The following NCEH1 variants were observed in gnomAD, a reference collection of about 807,000 sequenced individuals.
NCEH1 encodes the protein 2-acetyl MAGE hydrolase.
NCEH1 carries 9 observed loss-of-function variants against 25.4 expected under a neutral mutation model. The ratio of observed to expected loss-of-function variants is 0.35; its 90% CI spans 0.21 to 0.62. The LOEUF (loss-of-function observed/expected upper bound fraction) is 0.62. NCEH1 is among the 20% of genes least tolerant of loss of function. The pLI is 0.72. For missense variants in NCEH1, 412 were observed against 501.1 expected (o/e 0.82, Z 1.70); for synonymous variants, 200 against 199.8 (o/e 1.00, Z -0.01).
At chr3:172,709,824 T>G (rs1307794704) in intron 1 of NCEH1, among the ~76,000 whole-genome samples, 1 of 152,016 alleles carries the variant, frequency 6.6e-6, no homozygotes, top group East Asian at 1.9e-4. Flanking sequence ...AAAGAAAGAG[T>G]TTATAAAAAT....
chr3:172,649,851 C>T (rs950001512), intron 1 of NCEH1, among the ~76,000 whole-genome samples: 3 of 152,212 alleles, frequency 2.0e-5, no homozygotes, highest in Non-Finnish European at 4.4e-5. Flanking sequence ...AAATGGCAGA[C>T]CTGGCTCTGT....
Position 172,630,282 on chromosome 3 carries a change from A to C in NCEH1, c.*3193T>G, listed in dbSNP as rs1716291555. On this transcript the variant is annotated 3_prime_UTR_variant, in exon 5 of 5. Coordinates refer to ENST00000475381, the MANE Select transcript of NCEH1 (RefSeq NM_020792.6). Reference sequence around the variant, plus strand: ...GAAATTAGATTTATTTGTAATGACAAGGTCAGTTTGAGAACCTGCCTTCAG... The same window carrying C: ...GAAATTAGATTTATTTGTAATGACACGGTCAGTTTGAGAACCTGCCTTCAG... 1.3e-5 allele frequency: 2 copies of C among 152,246 alleles called. No individual in the cohort carries two copies. The highest frequency in any genetic ancestry group is 1.3e-4 in the Admixed American group (2 of 15,290). 9.4% of individuals were successfully genotyped at this position (152,246 alleles called of 1,614,324 possible).
intron 1 of NCEH1, among the ~76,000 whole-genome samples, chr3:172,697,741 G>A (rs1340061415): frequency 6.6e-6 from 1 of 152,124 alleles, no homozygotes; most frequent in Admixed American, 6.5e-5. Flanking sequence ...AGTTCAAAGG[G>A]CAATGGGGTC....
rs1049307706 is a variant in NCEH1, at chr3:172,665,614, C to T, written c.139-17500G>A. Among the ~76,000 whole-genome samples the T allele has an allele frequency of 5.3e-4, 80 of 152,310 alleles. 2 individuals are homozygous for T. Among genetic ancestry groups the T allele is most frequent in the Admixed American group, 7.2e-4 (11 of 15,302 alleles). On this transcript the variant is annotated intron_variant, in intron 1 of 4. Coordinates refer to ENST00000475381, the MANE Select transcript of NCEH1 (RefSeq NM_020792.6). ...GTGGAGTCTACAGAGGCAGGCAGGCCTCGTTGAGCTGTGGTGGGCTCCACC... is the reference window on the plus strand; with the variant it reads ...GTGGAGTCTACAGAGGCAGGCAGGCTTCGTTGAGCTGTGGTGGGCTCCACC...
At chr3:172,695,315 T>C (rs1459017497) in intron 1 of NCEH1, among the ~76,000 whole-genome samples, 1 of 152,244 alleles carries the variant, frequency 6.6e-6, no homozygotes, top group African/African-American at 2.4e-5. Context: ...CAAAATGTCA[T>C]TTCAACAACT....
intron 1 of NCEH1, among the ~76,000 whole-genome samples, chr3:172,659,973 C>T (rs1371292886): frequency 9.2e-5 from 14 of 151,702 alleles, no homozygotes; most frequent in Admixed American, 9.2e-4. Context: ...AAAAGCAACC[C>T]CTGAAGCATT....
intron 1 of NCEH1, among the ~76,000 whole-genome samples, chr3:172,707,407 T>C (rs1714063375): frequency 6.6e-6 from 1 of 152,192 alleles, no homozygotes; most frequent in Non-Finnish European, 1.5e-5. Flanking sequence ...TCAACTAATC[T>C]GATAAACTAA....
At chr3:172,710,289 A>G (rs1467587606) in intron 1 of NCEH1, among the ~76,000 whole-genome samples, 1 of 152,176 alleles carries the variant, frequency 6.6e-6, no homozygotes, top group Non-Finnish European at 1.5e-5. Context: ...GGGTGAAACG[A>G]GAGATCCCTA....
intron 1 of NCEH1, among the ~76,000 whole-genome samples, chr3:172,683,038 A>G (rs1712473572): frequency 6.6e-6 from 1 of 152,222 alleles, no homozygotes; most frequent in African/African-American, 2.4e-5. Context: ...TTATTTTGCT[A>G]TGTGAGACAT....
At chr3:172,653,472 A>G (rs1717510217) in intron 1 of NCEH1, among the ~76,000 whole-genome samples, 2 of 152,198 alleles carry the variant, frequency 1.3e-5, no homozygotes, top group African/African-American at 2.4e-5. Flanking sequence ...AACTTAGAGT[A>G]ATAGAGGAGA....
At chr3:172,664,692 C>G (rs952137158) in intron 1 of NCEH1, among the ~76,000 whole-genome samples, 1 of 152,134 alleles carries the variant, frequency 6.6e-6, no homozygotes, top group Non-Finnish European at 1.5e-5. Flanking sequence ...TCTCTTCTTG[C>G]TTCATTTCAT....
intron 1 of NCEH1, among the ~76,000 whole-genome samples, chr3:172,665,126 A>G (rs1718147116): frequency 6.6e-6 from 1 of 152,030 alleles, no homozygotes. Context: ...GATGATGGTG[A>G]CCTACAGATG....
chr3:172,659,984 TC>T (rs370533652), intron 1 of NCEH1, among the ~76,000 whole-genome samples: 1 of 147,888 alleles, frequency 6.8e-6, no homozygotes, highest in Admixed American at 6.6e-5. Flanking sequence ...CTGAAGCATT[TC>T]TTTTTTTTTT....
At chr3:172,642,172 T>TTTTTG (rs72150294) in intron 3 of NCEH1, among the ~76,000 whole-genome samples, 4 of 151,946 alleles carry the variant, frequency 2.6e-5, no homozygotes, top group Admixed American at 6.6e-5. Flanking sequence ...TTTTTCTATT[T>TTTTTG]TTTTGTTTTG....
At chr3:172,647,279 C>G (rs960500620) in intron 2 of NCEH1, among the ~76,000 whole-genome samples, 1 of 152,204 alleles carries the variant, frequency 6.6e-6, no homozygotes, top group Non-Finnish European at 1.5e-5. Context: ...TTCTGGGCGG[C>G]TCTGTTTGGC....
At chr3:172,689,251 C>CTTTTTTTT (rs34888694) in intron 1 of NCEH1, among the ~76,000 whole-genome samples, 2 of 80,930 alleles carry the variant, frequency 2.5e-5, no homozygotes, top group African/African-American at 1.0e-4. Flanking sequence ...CTTGGAGTAA[C>CTTTTTTTT]TTTTTTTTTT....
chr3:172,662,309 G>A (rs930126992), intron 1 of NCEH1, among the ~76,000 whole-genome samples: 41 of 152,170 alleles, frequency 2.7e-4, no homozygotes, highest in Non-Finnish European at 5.0e-4. Flanking sequence ...TGCACCCCAG[G>A]GATGAAGCCA....
intron 1 of NCEH1, among the ~76,000 whole-genome samples, chr3:172,662,425 TTC>T (rs1421703704): frequency 2.0e-5 from 3 of 152,226 alleles, no homozygotes; most frequent in African/African-American, 7.2e-5. Context: ...TGGCCTAAAA[TTC>T]TCTTTTTTTG....
At chr3:172,695,957 A>C (rs1713345637) in intron 1 of NCEH1, among the ~76,000 whole-genome samples, 1 of 151,978 alleles carries the variant, frequency 6.6e-6, no homozygotes, top group South Asian at 2.1e-4. Context: ...AAAATAAATA[A>C]ATAAATAAAA....
Sources: gnomAD v4.1 joint callset for allele counts (sites outside exome capture counted in the v4.1 genomes callset) on GRCh38, gnomAD v4.1.1 for gene constraint, MANE v1.5 for transcripts, NCBI Gene and HGNC (gene_info 2026-07-23, HGNC 2026-07-21) for gene names.